The following EIF1AD variants were observed in gnomAD, a reference collection of about 807,000 sequenced individuals.
EIF1AD encodes the protein eukaryotic translation initiation factor 1A domain containing, also known as probable RNA-binding protein EIF1AD.
EIF1AD carries 9 observed loss-of-function variants against 21.7 expected under a neutral mutation model. The observed-to-expected ratio is 0.41, with a 90% confidence interval of 0.25 to 0.72. EIF1AD has a LOEUF of 0.72. Among genes scored for constraint, EIF1AD ranks in the 30% least tolerant of loss-of-function variants. The pLI is 0.29. For synonymous variants in EIF1AD, 78 were observed against 70.9 expected, an observed-to-expected ratio of 1.10 and a Z score of -0.50; for missense variants, 164 against 199.7, an observed-to-expected ratio of 0.82 and a Z score of 1.08.
rs1179048244 is a variant in EIF1AD at position 65,997,358 on chromosome 11, C to T, written c.*1241G>A. 6.6e-6 allele frequency: 1 copy of T among 150,736 alleles called. No homozygotes were observed. Among genetic ancestry groups the T allele is most frequent in the African/African-American group, 2.4e-5 (1 of 41,080 alleles). The allele number at this position is 150,736 out of a possible 1,614,324, so 9.3% of individuals were successfully genotyped here. On this transcript the variant is annotated 3_prime_UTR_variant, in exon 6 of 6. Coordinates refer to ENST00000533544, the MANE Select transcript of EIF1AD (RefSeq NM_001242481.2). Reference sequence around the variant, plus strand: ...AAAAAAAAAAAAAAAAAGATAGTCTCCAAAACACAAGAGGTAAGGTTTAAG... The same window carrying T: ...AAAAAAAAAAAAAAAAAGATAGTCTTCAAAACACAAGAGGTAAGGTTTAAG...
Position 66,000,076 on chromosome 11 carries a change from CGGTATTTGGAG to C in EIF1AD, c.162_172del (p.Ser55GlnfsTer14). 3 of 1,613,844 alleles carry C rather than the reference CGGTATTTGGAG, an allele frequency of 1.9e-6. No individual in the cohort carries two copies. Among genetic ancestry groups the C allele is most frequent in the Non-Finnish European group, 2.5e-6 (3 of 1,179,762 alleles). The stretch of plus-strand genomic sequence containing the variant: ...ACCTCTCTTGATCCAGATGTTCTTG[CGGTATTTGGAG>C]GGCATGCTCACCAGGAAGCGCTGCC... On this transcript the variant is annotated frameshift_variant, in exon 3 of 6. Coordinates refer to ENST00000533544, the MANE Select transcript of EIF1AD (RefSeq NM_001242481.2). LOFTEE classifies it high-confidence loss of function.
intron 4 of EIF1AD, 58 bp from the exon 5 acceptor site, chr11:65,999,455 T>A (rs1855854822): frequency 6.2e-7 from 1 of 1,613,276 alleles, no homozygotes; most frequent in Non-Finnish European, 8.5e-7. Flanking sequence ...ACAAAAGAGC[T>A]GCTTCCAGCT....
At position 65,996,741 on chromosome 11, in the gene EIF1AD, G is replaced by A. The variant is rs1855737876; in HGVS notation, c.*1858C>T. On this transcript the variant is annotated 3_prime_UTR_variant, in exon 6 of 6. Coordinates refer to ENST00000533544, the MANE Select transcript of EIF1AD (RefSeq NM_001242481.2). ...AGGTTTTCACGCCTGTTTCAGAAAT[G>A]GGAGATTCTACAGCACGCTCGACAC... is the stretch of plus-strand genomic sequence containing the variant. 1 of 152,090 alleles carries A rather than the reference G, an allele frequency of 6.6e-6. No homozygotes were observed. Among genetic ancestry groups the A allele is most frequent in the Non-Finnish European group, 1.5e-5 (1 of 68,024 alleles). The allele number at this position is 152,090 out of a possible 1,614,324, so 9.4% of individuals were successfully genotyped here.
Position 65,999,272 on chromosome 11 carries a change from G to A in EIF1AD, c.353+78C>T, listed in dbSNP as rs145693832. 6.1e-5 allele frequency: 97 copies of A among 1,578,406 alleles called. No individual in the cohort carries two copies. The African/African-American group carries it at 9.6e-4, about 16-fold the overall frequency. ...GATACCCTATGTAAGGAGGAAAGAAGGCTCTATTTTTCCCTCAAGGCACCA... is the reference window on the plus strand; with the variant it reads ...GATACCCTATGTAAGGAGGAAAGAAAGCTCTATTTTTCCCTCAAGGCACCA... On this transcript the variant is annotated intron_variant, in intron 5 of 5. Transcript: ENST00000533544.
At chr11:66,000,235 C>A (rs1354270263) in intron 2 of EIF1AD, 68 bp downstream of exon 2, 20 of 1,609,540 alleles carry the variant, frequency 1.2e-5, no homozygotes, top group East Asian at 2.2e-5. Flanking sequence ...GCACCCTACC[C>A]CCACCCCAGG....
Position 65,999,733 on chromosome 11 carries a change from G to A in EIF1AD, c.197-58C>T, listed in dbSNP as rs1395454606. 11 of 1,258,860 alleles carry A rather than the reference G, an allele frequency of 8.7e-6. No individual in the cohort carries two copies. The Admixed American group carries it at 1.8e-4, about 20-fold the overall frequency. 78.0% of individuals were successfully genotyped at this position (1,258,860 alleles called of 1,614,324 possible). On this transcript the variant is annotated intron_variant, in intron 3 of 5. Transcript: ENST00000533544. ...CCTGCTTGCAATAAGGAAAGCCAAA[G>A]CCATAGGAAGGGGTTCTATCTCCTA... is the stretch of plus-strand genomic sequence containing the variant.
rs1426102898 is a variant in EIF1AD, at chr11:65,998,707, T to C, written c.390A>G (p.Leu130=). The C allele has an allele frequency of 6.2e-7, 1 of 1,614,176 alleles. No individual in the cohort carries two copies. The highest frequency in any genetic ancestry group is 8.5e-7 in the Non-Finnish European group (1 of 1,180,028). Residue 130 remains leucine, a synonymous_variant, in exon 6 of 6, where the codon TTA becomes TTG. Transcript: ENST00000533544. ...TQPELPAEPQ[L]SGEESSSEDD... Reference sequence around the variant, plus strand: ...CTTCTGAGCTGGACTCCTCTCCTGATAACTGTGGCTCAGCTGGGAGTTCTG... The same window carrying C: ...CTTCTGAGCTGGACTCCTCTCCTGACAACTGTGGCTCAGCTGGGAGTTCTG...
chr11:65,997,603 G>GT lies in EIF1AD; in HGVS notation c.*995dup, dbSNP rs1432745839. 7 of 152,226 alleles carry GT rather than the reference G, an allele frequency of 4.6e-5. No individual in the cohort carries two copies. Among genetic ancestry groups the GT allele is most frequent in the African/African-American group, 1.2e-4 (5 of 41,408 alleles). The allele number at this position is 152,226 out of a possible 1,614,324, so 9.4% of individuals were successfully genotyped here. A position where few individuals can be genotyped will look rare whatever the true frequency, so the allele number is the denominator to read the frequency against. ...CCATCTGAGGTTTGTAATGATAAAC[G>GT]TAAGGTACAACTGGTGGCCAGGCTG... On this transcript the variant is annotated 3_prime_UTR_variant, in exon 6 of 6. Transcript: ENST00000533544.
intron 5 of EIF1AD, among the ~76,000 whole-genome samples, 159 bp from the exon 6 acceptor site, chr11:65,998,902 G>A (rs1287698495): frequency 1.3e-5 from 2 of 152,156 alleles, no homozygotes; most frequent in Admixed American, 6.5e-5. Flanking sequence ...CAAACAGTGG[G>A]GAAACGTGGC....
At chr11:65,999,877 G>T in intron 3 of EIF1AD, 176 bp downstream of exon 3, 1 of 646,358 alleles carries the variant, frequency 1.5e-6, no homozygotes, top group Non-Finnish European at 2.7e-6. Flanking sequence ...CCACCTCCCA[G>T]GCTCAAGTGA....
rs1445775041 is a variant in EIF1AD at position 65,997,776 on chromosome 11, G to A, written c.*823C>T. The A allele has an allele frequency of 1.3e-5, 2 of 152,288 alleles. No individual in the cohort carries two copies. Among genetic ancestry groups the A allele is most frequent in the Non-Finnish European group, 1.5e-5 (1 of 68,096 alleles). 9.4% of individuals were successfully genotyped at this position (152,288 alleles called of 1,614,324 possible). ...ACTACGGAATTGATGCTACACAAGA[G>A]GGAAGTGAAGGCAGAAGGTTACTCA... is the stretch of plus-strand genomic sequence containing the variant. On this transcript the variant is annotated 3_prime_UTR_variant, in exon 6 of 6. Coordinates refer to ENST00000533544, the MANE Select transcript of EIF1AD (RefSeq NM_001242481.2).
rs1041112213 is a variant in EIF1AD, at chr11:65,997,725, G to T, written c.*874C>A. On this transcript the variant is annotated 3_prime_UTR_variant, in exon 6 of 6. Transcript: ENST00000533544. ...AGGGTTTTACTAGCGGAACAGAATGGAGGGAGACAGAGGGGTGTAGGGTGG... is the reference window on the plus strand; with the variant it reads ...AGGGTTTTACTAGCGGAACAGAATGTAGGGAGACAGAGGGGTGTAGGGTGG... 6.6e-6 allele frequency: 1 copy of T among 152,268 alleles called. No homozygotes were observed. The highest frequency in any genetic ancestry group is 1.5e-5 in the Non-Finnish European group (1 of 68,068). The allele number at this position is 152,268 out of a possible 1,614,324, so 9.4% of individuals were successfully genotyped here.
In EIF1AD at chr11:66,000,357, C is replaced by T. The variant is rs1343257218; in HGVS notation, c.33G>A (p.Val11=). The T allele has an allele frequency of 1.2e-6, 2 of 1,613,032 alleles. No homozygotes were observed. Among genetic ancestry groups the T allele is most frequent in the African/African-American group, 1.3e-5 (1 of 74,876 alleles). MSQATKRKHV[V]KEVLGEHIVP... The stretch of plus-strand genomic sequence containing the variant: ...CTATGTGCTCCCCTAGCACCTCCTT[C>T]ACCACATGCTTCCTCTTGGTGGCCT... The change falls in exon 2 of 6, where the codon GTG becomes GTA. Residue 11 remains valine, a synonymous_variant. Transcript: ENST00000533544.
In EIF1AD at chr11:65,998,407, A is replaced by C. The variant is rs571018182; in HGVS notation, c.*192T>G. ...CATCACAATCTCCCTCCCCCGAGAG[A>C]GCCACTCAGACACCAGAACAAGTCA... is the stretch of plus-strand genomic sequence containing the variant. On this transcript the variant is annotated 3_prime_UTR_variant, in exon 6 of 6. Transcript: ENST00000533544. 7.3e-6 allele frequency: 4 copies of C among 545,810 alleles called. No homozygotes were observed. Among genetic ancestry groups the C allele is most frequent in the Admixed American group, 3.3e-5 (1 of 30,328 alleles). 33.8% of individuals were successfully genotyped at this position (545,810 alleles called of 1,614,324 possible).
intron 3 of EIF1AD, 130 bp downstream of exon 3, chr11:65,999,923 C>T (rs985319130): frequency 1.3e-5 from 9 of 717,850 alleles, no homozygotes; most frequent in South Asian, 1.8e-5. Context: ...GCTGGGATCA[C>T]AGGCACGTGC....
Position 66,000,603 on chromosome 11 carries a change from T to C in EIF1AD, c.-116-98A>G, listed in dbSNP as rs1018277762. The stretch of plus-strand genomic sequence containing the variant: ...TTGGTTTATTTCCTAACTATTCAAC[T>C]TCTCTAGGTCCCAGAAAAATAACAG... On this transcript the variant is annotated intron_variant, in intron 1 of 5. Coordinates refer to ENST00000533544, the MANE Select transcript of EIF1AD (RefSeq NM_001242481.2). 3 of 569,878 alleles carry C rather than the reference T, an allele frequency of 5.3e-6. No homozygotes were observed. In the African/African-American group the frequency reaches 5.6e-5, roughly 11 times the overall value. 35.3% of individuals were successfully genotyped at this position (569,878 alleles called of 1,614,324 possible). A position where few individuals can be genotyped will look rare whatever the true frequency, so the allele number is the denominator to read the frequency against.
Position 66,000,517 on chromosome 11 carries a change from C to A in EIF1AD, c.-116-12G>T. 2.4e-6 allele frequency: 2 copies of A among 839,908 alleles called. No individual in the cohort carries two copies. The highest frequency in any genetic ancestry group is 3.8e-6 in the Non-Finnish European group (2 of 526,676). The allele number at this position is 839,908 out of a possible 1,614,324, so 52.0% of individuals were successfully genotyped here. A position where few individuals can be genotyped will look rare whatever the true frequency, so the allele number is the denominator to read the frequency against. ...GGAGGGGCCTTTTACTGAGGGGTGA[C>A]ACGGTGTCTTGGTTAAGAACATGGG... is the stretch of plus-strand genomic sequence containing the variant. On this transcript the variant is annotated splice_polypyrimidine_tract_variant and intron_variant, in intron 1 of 5. Coordinates refer to ENST00000533544, the MANE Select transcript of EIF1AD (RefSeq NM_001242481.2).
chr11:65,996,989 G>T lies in EIF1AD; in HGVS notation c.*1610C>A, dbSNP rs1228943426. 6.6e-6 allele frequency: 1 copy of T among 152,196 alleles called. No individual in the cohort carries two copies. The highest frequency in any genetic ancestry group is 1.5e-5 in the Non-Finnish European group (1 of 68,114). The allele number at this position is 152,196 out of a possible 1,614,324, so 9.4% of individuals were successfully genotyped here. On this transcript the variant is annotated 3_prime_UTR_variant, in exon 6 of 6. Transcript: ENST00000533544. ...GTGGACCACTTGAGGTCAGGAGTTC[G>T]AGACCAGCCTGGCCAACATGGCAAA...
Position 65,998,591 on chromosome 11 carries a change from C to T in EIF1AD, c.*8G>A. The stretch of plus-strand genomic sequence containing the variant: ...CCCTGAGCAAGTGGAGAATTGGGTC[C>T]TGGAGTCTCAGGCTGCCTCCTCCTC... On this transcript the variant is annotated 3_prime_UTR_variant, in exon 6 of 6. Transcript: ENST00000533544. 1.2e-6 allele frequency: 2 copies of T among 1,613,076 alleles called. No individual in the cohort carries two copies. Among genetic ancestry groups the T allele is most frequent in the Non-Finnish European group, 1.7e-6 (2 of 1,179,792 alleles).
Sources: gnomAD v4.1 joint callset for allele counts (sites outside exome capture counted in the v4.1 genomes callset) on GRCh38, gnomAD v4.1.1 for gene constraint, MANE v1.5 for transcripts, NCBI Gene and HGNC (gene_info 2026-07-23, HGNC 2026-07-21) for gene names.